Variants in GPM6A observed in about 807,000 individuals in gnomAD.
GPM6A encodes the protein neuronal membrane glycoprotein M6-a.
GPM6A carries 7 observed loss-of-function variants against 32.1 expected under a neutral mutation model. The observed-to-expected ratio is 0.22, with a 90% CI of 0.12 to 0.41. The LOEUF is 0.41. Among genes scored for constraint, GPM6A ranks in the 10% least tolerant of loss-of-function variants. The pLI is 1.00. For missense variants in GPM6A, 235 were observed against 347.2 expected (o/e 0.68, Z 2.57); for synonymous variants, 130 against 123.4 (o/e 1.05, Z -0.35).
At chr4:175,636,029 T>A (rs1740563385) in intron 6 of GPM6A, among the ~76,000 whole-genome samples, 1 of 151,990 alleles carries the variant, frequency 6.6e-6, no homozygotes, top group East Asian at 1.9e-4. Context: ...TTCTAAATAA[T>A]GAATATTGTG....
chr4:175,813,032 A>G, upstream of GPM6A: 1 of 984,090 alleles, frequency 1.0e-6, no homozygotes, highest in Non-Finnish European at 1.2e-6. Flanking sequence ...CCTGAGAGAT[A>G]CATGTTTTAA....
intron 3 of GPM6A, among the ~76,000 whole-genome samples, chr4:175,670,618 A>G (rs935937345): frequency 6.6e-6 from 1 of 152,132 alleles, no homozygotes; most frequent in Non-Finnish European, 1.5e-5. Context: ...CTTTTCATAT[A>G]ATGTTTTAAT....
intron 1 of GPM6A, among the ~76,000 whole-genome samples, chr4:175,926,115 G>A (rs1258790178): frequency 2.0e-5 from 3 of 152,206 alleles, no homozygotes; most frequent in Admixed American, 1.3e-4. Context: ...GCCTCCCAAA[G>A]TGTTGGGATT....
At chr4:175,728,380 T>C (rs1245441656) in intron 1 of GPM6A, among the ~76,000 whole-genome samples, 1 of 152,194 alleles carries the variant, frequency 6.6e-6, no homozygotes, top group African/African-American at 2.4e-5. Context: ...CTTTGTCAGA[T>C]GTTATTTTGA....
At chr4:175,945,204 CTT>C (rs1470831946) in intron 1 of GPM6A, among the ~76,000 whole-genome samples, 4 of 152,200 alleles carry the variant, frequency 2.6e-5, no homozygotes, top group Admixed American at 1.3e-4. Flanking sequence ...GAAAAACAAT[CTT>C]AATTTCTGGA....
At position 175,760,736 on chromosome 4, in the gene GPM6A, T is replaced by TAG. The variant is rs145004954; in HGVS notation, c.37+51453_37+51454dup. On this transcript the variant is annotated intron_variant, in intron 1 of 6. Transcript: ENST00000393658. ...TATTCAGTCATTAAATGGATGCAGG[T>TAG]AGAGAGAGAGAGAGAGAAATAGATA... Among the ~76,000 whole-genome samples the TAG allele has an allele frequency of 8.1e-5, 12 of 148,736 alleles. No homozygotes were observed. In the East Asian group the frequency reaches 1.2e-3, roughly 15 times the overall value.
At chr4:175,790,090 T>C (rs1378157968) in intron 1 of GPM6A, among the ~76,000 whole-genome samples, 3 of 152,236 alleles carry the variant, frequency 2.0e-5, no homozygotes, top group Non-Finnish European at 4.4e-5. Context: ...TTTTTACACA[T>C]ACATTTATCT....
chr4:175,915,461 A>C (rs1386648772), intron 1 of GPM6A, among the ~76,000 whole-genome samples: 1 of 151,822 alleles, frequency 6.6e-6, no homozygotes, highest in Non-Finnish European at 1.5e-5. Flanking sequence ...TAATTTTTGT[A>C]TTTTTACATA....
At chr4:175,962,022 C>A in intron 1 of GPM6A, 1 of 612,976 alleles carries the variant, frequency 1.6e-6, no homozygotes, top group South Asian at 1.7e-5. Context: ...TGAAAATGTT[C>A]ACGTCTCAGG....
At chr4:175,785,245 G>A (rs952709601) in intron 1 of GPM6A, among the ~76,000 whole-genome samples, 1 of 152,076 alleles carries the variant, frequency 6.6e-6, no homozygotes, top group Non-Finnish European at 1.5e-5. Flanking sequence ...GAATTCTGGC[G>A]CGGAGTCTCA....
rs142814260 is a variant in GPM6A at position 175,929,909 on chromosome 4, C to G, written c.-23+72400G>C. Among the ~76,000 whole-genome samples the G allele has an allele frequency of 2.0e-3, 310 of 152,246 alleles. 2 individuals carry two copies. Among genetic ancestry groups the G allele is most frequent in the African/African-American group, 6.9e-3 (285 of 41,558 alleles). ...AAGAAATATGATCTCTCAGATACATCACAGCCTTGTACCTGTCTTGGGACT... is the reference window on the plus strand; with the variant it reads ...AAGAAATATGATCTCTCAGATACATGACAGCCTTGTACCTGTCTTGGGACT... On this transcript the variant is annotated intron_variant, in intron 1 of 7. Coordinates refer to the GPM6A transcript ENST00000280187.
At chr4:175,747,623 A>T (rs1732161425) in intron 1 of GPM6A, among the ~76,000 whole-genome samples, 1 of 152,192 alleles carries the variant, frequency 6.6e-6, no homozygotes, top group Non-Finnish European at 1.5e-5. Flanking sequence ...ACTTTAATTT[A>T]AAAATCCTTC....
rs191661173 is a variant in GPM6A, at chr4:175,715,919, G to T, written c.38-14152C>A. Among the ~76,000 whole-genome samples, 392 of 152,200 alleles carry T rather than the reference G, an allele frequency of 2.6e-3. 3 individuals carry two copies. The highest frequency in any genetic ancestry group is 8.5e-3 in the African/African-American group (354 of 41,528). On this transcript the variant is annotated intron_variant, in intron 1 of 6. Coordinates refer to ENST00000393658, the MANE Select transcript of GPM6A (RefSeq NM_201591.3). The stretch of plus-strand genomic sequence containing the variant: ...CATCTCTACTAAATATACAAAATTA[G>T]CTGGGTGTGGTGGCACATGCCTGTA...
At chr4:175,939,930 A>T (rs1055622379) in intron 1 of GPM6A, among the ~76,000 whole-genome samples, 16 of 152,198 alleles carry the variant, frequency 1.1e-4, no homozygotes, top group Non-Finnish European at 1.6e-4. Context: ...CTGGTTCCAG[A>T]CTACATATAA....
At chr4:175,797,258 A>T (rs970452995) in intron 1 of GPM6A, among the ~76,000 whole-genome samples, 1 of 152,180 alleles carries the variant, frequency 6.6e-6, no homozygotes, top group African/African-American at 2.4e-5. Flanking sequence ...AAGATGCTCT[A>T]TGATCTTATT....
chr4:175,687,220 T>C (rs2111025265), intron 2 of GPM6A, among the ~76,000 whole-genome samples: 1 of 152,292 alleles, frequency 6.6e-6, no homozygotes, highest in South Asian at 2.1e-4. Context: ...TATTTTTAAG[T>C]GTACAATACA....
At chr4:175,653,142 A>G (rs998818394) in intron 3 of GPM6A, among the ~76,000 whole-genome samples, 1 of 152,270 alleles carries the variant, frequency 6.6e-6, no homozygotes, top group African/African-American at 2.4e-5. Context: ...TACTAAAATT[A>G]GCACTTTTGC....
chr4:175,992,444 T>G (rs907745610), intron 1 of GPM6A, among the ~76,000 whole-genome samples: 1 of 152,210 alleles, frequency 6.6e-6, no homozygotes, highest in African/African-American at 2.4e-5. Context: ...AGGAAAGATC[T>G]GTCAGCTTTG....
chr4:175,923,572 A>C (rs1361811156), intron 1 of GPM6A, among the ~76,000 whole-genome samples: 1 of 151,168 alleles, frequency 6.6e-6, no homozygotes, highest in East Asian at 1.9e-4. Flanking sequence ...GTTTGTTTTT[A>C]AGACAAGATC....
Sources: gnomAD v4.1 joint callset for allele counts (sites outside exome capture counted in the v4.1 genomes callset) on GRCh38, gnomAD v4.1.1 for gene constraint, MANE v1.5 for transcripts, NCBI Gene and HGNC (gene_info 2026-07-23, HGNC 2026-07-21) for gene names.